CSNK2A1: variants seen among roughly 807,000 people sequenced by gnomAD.
CSNK2A1 encodes casein kinase II subunit alpha.
In CSNK2A1, 10 loss-of-function variants were observed where a neutral mutation model predicts 62.9. The observed-to-expected ratio is 0.16, with a 90% CI of 0.10 to 0.27. CSNK2A1 has a LOEUF of 0.27. Ranked by LOEUF, CSNK2A1 falls within the 10% of genes least tolerant of loss-of-function variation. The pLI is 1.00. For missense variants in CSNK2A1, 160 were observed against 492.0 expected (o/e 0.33, Z 6.38); for synonymous variants, 124 against 167.8 (o/e 0.74, Z 2.02).
chr20:529,542 A>T (rs1468341023), intron 1 of CSNK2A1, among the ~76,000 whole-genome samples: 1 of 152,206 alleles, frequency 6.6e-6, no homozygotes, highest in African/African-American at 2.4e-5. Context: ...AAAGTGCAAG[A>T]GTAGCGATGC....
At position 483,922 on chromosome 20, in the gene CSNK2A1, C is replaced by T. The variant is rs1250615483; in HGVS notation, c.*39G>A. The T allele has an allele frequency of 5.7e-6, 9 of 1,586,898 alleles. No homozygotes were observed. Among genetic ancestry groups the T allele is most frequent in the Admixed American group, 1.8e-5 (1 of 56,470 alleles). ...GCTGCATCAAGGAGAGGGTGGACTC[C>T]CCCACCTCTGCTCAGGCATCAGGAG... is the stretch of plus-strand genomic sequence containing the variant. On this transcript the variant is annotated 3_prime_UTR_variant, in exon 14 of 14. Transcript: ENST00000217244.
intron 6 of CSNK2A1, 89 bp from the exon 7 acceptor site, chr20:497,869 G>A (rs988154824): frequency 1.7e-6 from 2 of 1,186,346 alleles, no homozygotes; most frequent in South Asian, 1.3e-5. Context: ...CCAAGACTTG[G>A]CTCATTTACC....
At position 478,682 on chromosome 20, in the gene CSNK2A1, A is replaced by G; in HGVS notation, c.*5279T>C. The G allele has an allele frequency of 7.1e-6, 3 of 423,562 alleles. No homozygotes were observed. Among genetic ancestry groups the G allele is most frequent in the Non-Finnish European group, 1.4e-5 (3 of 213,232 alleles). 26.2% of individuals were successfully genotyped at this position (423,562 alleles called of 1,614,324 possible). A position where few individuals can be genotyped will look rare whatever the true frequency, so the allele number is the denominator to read the frequency against. ...GGTGGCTCATGCCTCTAATCTCAGCACTTTGGGAGGCCAAGGCGGGTAGAC... is the reference window on the plus strand; with the variant it reads ...GGTGGCTCATGCCTCTAATCTCAGCGCTTTGGGAGGCCAAGGCGGGTAGAC... On this transcript the variant is annotated 3_prime_UTR_variant, in exon 14 of 14. Transcript: ENST00000217244.
In CSNK2A1 at chr20:475,649, A is replaced by G. The variant is rs895604269; in HGVS notation, c.*8312T>C. 8 of 149,528 alleles carry G rather than the reference A, an allele frequency of 5.4e-5. No homozygotes were observed. The highest frequency in any genetic ancestry group is 8.9e-5 in the Non-Finnish European group (6 of 67,642). 9.3% of individuals were successfully genotyped at this position (149,528 alleles called of 1,614,324 possible). A position where few individuals can be genotyped will look rare whatever the true frequency, so the allele number is the denominator to read the frequency against. On this transcript the variant is annotated 3_prime_UTR_variant, in exon 14 of 14. Coordinates refer to ENST00000217244, the MANE Select transcript of CSNK2A1 (RefSeq NM_177559.3). ...CACACCCTTTGCCATATAACCTCAT[A>G]AAGTTTTCCCAACACAGGCTCTATG...
chr20:490,411 CTTTTTTTTT>C (rs369596623), intron 9 of CSNK2A1, among the ~76,000 whole-genome samples: 1 of 84,494 alleles, frequency 1.2e-5, no homozygotes, highest in Non-Finnish European at 2.2e-5. Context: ...ACAATTTTTA[CTTTTTTTTT>C]TTTTTTTTGA....
At chr20:542,820 C>T (rs945182151) in intron 1 of CSNK2A1, among the ~76,000 whole-genome samples, 4 of 152,166 alleles carry the variant, frequency 2.6e-5, no homozygotes, top group Non-Finnish European at 4.4e-5. Flanking sequence ...AATAATTTGC[C>T]ACCTTCTTTT....
At chr20:488,882 G>T in intron 10 of CSNK2A1, 104 bp from the exon 11 acceptor site, 4 of 1,026,062 alleles carry the variant, frequency 3.9e-6, no homozygotes, top group Non-Finnish European at 2.9e-6. Context: ...CATGTCTACA[G>T]GTATGAATGC....
rs1189148415 is a variant in CSNK2A1 at position 480,734 on chromosome 20, G to A, written c.*3227C>T. 1.3e-5 allele frequency: 2 copies of A among 152,228 alleles called. No homozygotes were observed. Among genetic ancestry groups the A allele is most frequent in the East Asian group, 3.8e-4 (2 of 5,204 alleles). The allele number at this position is 152,228 out of a possible 1,614,324, so 9.4% of individuals were successfully genotyped here. A position where few individuals can be genotyped will look rare whatever the true frequency, so the allele number is the denominator to read the frequency against. On this transcript the variant is annotated 3_prime_UTR_variant, in exon 14 of 14. Coordinates refer to ENST00000217244, the MANE Select transcript of CSNK2A1 (RefSeq NM_177559.3). Reference sequence around the variant, plus strand: ...TATGCAAACCCAATTCCAGTCTTGGGAGAGAATTTGCTGGTGGGACAAAAT... The same window carrying A: ...TATGCAAACCCAATTCCAGTCTTGGAAGAGAATTTGCTGGTGGGACAAAAT...
intron 1 of CSNK2A1, among the ~76,000 whole-genome samples, chr20:532,783 T>G (rs559179242): frequency 1.2e-4 from 19 of 152,288 alleles, no homozygotes; most frequent in African/African-American, 4.1e-4. Flanking sequence ...AATCACCTTT[T>G]GCAGCTTTCA....
Position 499,823 on chromosome 20 carries a change from C to G in CSNK2A1, c.315+10G>C. On this transcript the variant is annotated intron_variant, in intron 5 of 13. Transcript: ENST00000217244. This position sits in a 1 kb window ranked among gnomAD's most constrained non-coding sequence, Gnocchi z 4.2. ...CTCTGGCGGGCCTTGCTAACACCTA[C>G]TATACTCACCACAGGGTCTTTTACA... The G allele has an allele frequency of 6.2e-7, 1 of 1,613,180 alleles. No individual in the cohort carries two copies.
chr20:525,637 C>T (rs866001796), intron 2 of CSNK2A1, among the ~76,000 whole-genome samples: 32 of 126,376 alleles, frequency 2.5e-4, no homozygotes, highest in East Asian at 2.4e-3. Context: ...GGCGACAGAG[C>T]GAGACTCCAT....
chr20:492,212 A>T, intron 9 of CSNK2A1, 42 bp downstream of exon 9: 1 of 1,562,298 alleles, frequency 6.4e-7, no homozygotes. Context: ...TATGTGCGAA[A>T]TAAACACAGG....
intron 9 of CSNK2A1, among the ~76,000 whole-genome samples, chr20:490,365 G>GTTTTTTTTTTTTTTTTTTTTTTTT (rs1211661943): frequency 1.3e-5 from 1 of 74,934 alleles, no homozygotes; most frequent in African/African-American, 5.9e-5. Flanking sequence ...TTTTTTTTTA[G>GTTTTTTTTTTTTTTTTTTTTTTTT]TTTTTTCTTT....
At chr20:503,744 T>C (rs761592451) in intron 4 of CSNK2A1, 50 of 398,376 alleles carry the variant, frequency 1.3e-4, no homozygotes, top group Non-Finnish European at 2.2e-5. Context: ...GTCCAACCAA[T>C]GACAACATTT....
At chr20:501,416 A>T (rs2018467025) in intron 4 of CSNK2A1, 1 of 152,216 alleles carries the variant, frequency 6.6e-6, no homozygotes, top group Admixed American at 6.5e-5. Flanking sequence ...GCCCAAAGGA[A>T]ATATAATACA....
In CSNK2A1 at chr20:481,205, C is replaced by T. The variant is rs2017949659; in HGVS notation, c.*2756G>A. 1.3e-5 allele frequency: 2 copies of T among 152,110 alleles called. No individual in the cohort carries two copies. The highest frequency in any genetic ancestry group is 1.3e-4 in the Admixed American group (2 of 15,262). The allele number at this position is 152,110 out of a possible 1,614,324, so 9.4% of individuals were successfully genotyped here. A position where few individuals can be genotyped will look rare whatever the true frequency, so the allele number is the denominator to read the frequency against. On this transcript the variant is annotated 3_prime_UTR_variant, in exon 14 of 14. Coordinates refer to ENST00000217244, the MANE Select transcript of CSNK2A1 (RefSeq NM_177559.3). Reference sequence around the variant, plus strand: ...TGGTTTAGTCATACCAATTACAATACAATTACAACCAATAAAGCAAGGTGG... The same window carrying T: ...TGGTTTAGTCATACCAATTACAATATAATTACAACCAATAAAGCAAGGTGG...
intron 9 of CSNK2A1, among the ~76,000 whole-genome samples, chr20:490,189 G>A (rs146945134): frequency 1.8e-3 from 270 of 150,336 alleles, no homozygotes; most frequent in Middle Eastern, 0.01. Flanking sequence ...GTGCCACCAT[G>A]CCTGGCTAAT....
chr20:510,549 C>G (rs2018697387), intron 2 of CSNK2A1, among the ~76,000 whole-genome samples: 1 of 152,012 alleles, frequency 6.6e-6, no homozygotes, highest in Admixed American at 6.6e-5. Flanking sequence ...ATAATCTACC[C>G]TAAAATGATT....
chr20:497,565 C>T (rs2018370267), intron 7 of CSNK2A1, among the ~76,000 whole-genome samples, 156 bp downstream of exon 7: 1 of 152,172 alleles, frequency 6.6e-6, no homozygotes, highest in South Asian at 2.1e-4. Flanking sequence ...GCTGGGATTA[C>T]AGGTATGATA....
Sources: allele counts gnomAD v4.1 joint callset (sites outside exome capture counted in the v4.1 genomes callset), GRCh38; gene constraint gnomAD v4.1.1; non-coding constraint Gnocchi (gnomAD v3.1); transcripts MANE v1.5; gene names NCBI Gene and HGNC (gene_info 2026-07-23, HGNC 2026-07-21).